ARID4B: variants seen among roughly 807,000 people sequenced by gnomAD.
ARID4B encodes the protein AT-rich interaction domain 4B.
Under a neutral mutation model 147.5 loss-of-function variants are expected in ARID4B, and 26 were observed. The ratio of observed to expected loss-of-function variants is 0.18; its 90% CI spans 0.13 to 0.24. The LOEUF (loss-of-function observed/expected upper bound fraction) is 0.24, where lower values mean the gene tolerates loss of function less well. ARID4B is among the 10% of genes least tolerant of loss of function. The pLI is 1.00. For synonymous variants in ARID4B, 512 were observed against 507.9 expected (o/e 1.01, Z -0.11); for missense variants, 1,179 against 1,511.5 (o/e 0.78, Z 3.65).
intron 7 of ARID4B, among the ~76,000 whole-genome samples, chr1:235,241,372 T>C (rs1159327191): frequency 6.6e-6 from 1 of 152,180 alleles, no homozygotes; most frequent in Non-Finnish European, 1.5e-5. Context: ...CAGATTAAAC[T>C]ACTAAAAAAC....
chr1:235,205,427 T>G (rs1167354625), intron 17 of ARID4B, among the ~76,000 whole-genome samples: 12 of 152,196 alleles, frequency 7.9e-5, no homozygotes, highest in Non-Finnish European at 4.4e-5. Context: ...GATGAGCTCT[T>G]TATGTAACCC....
At chr1:235,262,461 C>CA (rs1670353391) in intron 2 of ARID4B, among the ~76,000 whole-genome samples, 1 of 152,152 alleles carries the variant, frequency 6.6e-6, no homozygotes, top group Non-Finnish European at 1.5e-5. Flanking sequence ...CATTTCTGCA[C>CA]TAATACTTTC....
intron 2 of ARID4B, among the ~76,000 whole-genome samples, chr1:235,306,189 A>G (rs1178453265): frequency 6.6e-6 from 1 of 152,192 alleles, no homozygotes. Context: ...TACTTTAGCA[A>G]TAAAGACAAA....
intron 2 of ARID4B, among the ~76,000 whole-genome samples, chr1:235,297,567 T>C (rs1672829112): frequency 6.6e-6 from 1 of 152,194 alleles, no homozygotes; most frequent in Non-Finnish European, 1.5e-5. Context: ...AAAACCTTTG[T>C]GTGAAAGTTG....
intron 22 of ARID4B, among the ~76,000 whole-genome samples, chr1:235,174,189 G>A (rs1663682050): frequency 6.6e-6 from 1 of 151,914 alleles, no homozygotes; most frequent in African/African-American, 2.4e-5. Flanking sequence ...ACAAGCGCGT[G>A]CCACCACGCG....
intron 7 of ARID4B, among the ~76,000 whole-genome samples, chr1:235,242,754 C>T (rs940420067): frequency 3.9e-5 from 6 of 152,046 alleles, no homozygotes; most frequent in African/African-American, 1.4e-4. Flanking sequence ...AAAAACAAAA[C>T]ACCTTTGTTC....
intron 5 of ARID4B, among the ~76,000 whole-genome samples, chr1:235,255,211 G>C (rs936339746): frequency 1.0e-5 from 1 of 99,362 alleles, no homozygotes; most frequent in African/African-American, 3.8e-5. Context: ...TTTGTTTCCT[G>C]CTGGGAGCTA....
intron 2 of ARID4B, among the ~76,000 whole-genome samples, chr1:235,265,713 A>G (rs968452971): frequency 6.6e-6 from 1 of 151,394 alleles, no homozygotes; most frequent in South Asian, 2.1e-4. Flanking sequence ...AAAAGAAAAG[A>G]AAAAAAAGGG....
intron 2 of ARID4B, among the ~76,000 whole-genome samples, chr1:235,324,276 T>C (rs567319576): frequency 6.4e-4 from 97 of 152,262 alleles, no homozygotes; most frequent in African/African-American, 2.3e-3. Flanking sequence ...AACATCACGA[T>C]CTATGTTACA....
At chr1:235,215,547 A>ATGTG (rs370429662) in intron 16 of ARID4B, among the ~76,000 whole-genome samples, 5,668 of 136,380 alleles carry the variant, frequency 0.042, 177 homozygotes, top group African/African-American at 0.092. Flanking sequence ...ACACATATAT[A>ATGTG]TGTGTGTGTG....
intron 19 of ARID4B, among the ~76,000 whole-genome samples, chr1:235,189,292 C>T (rs1256575810): frequency 6.8e-6 from 1 of 147,484 alleles, no homozygotes; most frequent in African/African-American, 2.5e-5. Flanking sequence ...ACCAGCTACT[C>T]GGGAGGCTGA....
Position 235,228,086 on chromosome 1 carries a change from G to A in ARID4B, c.897+1145C>T, listed in dbSNP as rs140132061. Among the ~76,000 whole-genome samples the A allele has an allele frequency of 2.6e-3, 398 of 151,456 alleles. 3 individuals carry two copies. Among genetic ancestry groups the A allele is most frequent in the African/African-American group, 8.8e-3 (366 of 41,356 alleles). On this transcript the variant is annotated intron_variant, in intron 11 of 23. Coordinates refer to ENST00000264183, the MANE Select transcript of ARID4B (RefSeq NM_016374.6). ...CCTGATCTCATGATCTGCCCGCCTC[G>A]GCCTCACAGAGTGCTAGGATTAGTC...
intron 2 of ARID4B, among the ~76,000 whole-genome samples, chr1:235,300,479 A>T (rs1476203353): frequency 6.6e-6 from 1 of 151,988 alleles, no homozygotes. Flanking sequence ...TCTATGCTCT[A>T]TAACTTTCTC....
intron 9 of ARID4B, among the ~76,000 whole-genome samples, chr1:235,232,590 C>T (rs540011935): frequency 3.3e-5 from 5 of 151,220 alleles, no homozygotes; most frequent in South Asian, 2.1e-4. Context: ...AAAAATTTGC[C>T]GAGCGTGGTG....
chr1:235,195,299 A>G (rs1249437517), intron 18 of ARID4B, among the ~76,000 whole-genome samples: 1 of 152,134 alleles, frequency 6.6e-6, no homozygotes, highest in Non-Finnish European at 1.5e-5. Context: ...CGTGGTTAAT[A>G]GGATCCTGTG....
chr1:235,311,054 G>A (rs1008525389), intron 2 of ARID4B, among the ~76,000 whole-genome samples: 4 of 151,956 alleles, frequency 2.6e-5, no homozygotes, highest in Non-Finnish European at 5.9e-5. Context: ...TATAGCACAG[G>A]GATGCTCCCT....
At chr1:235,248,048 A>C (rs1019209999) in intron 6 of ARID4B, among the ~76,000 whole-genome samples, 6 of 152,060 alleles carry the variant, frequency 3.9e-5, no homozygotes, top group African/African-American at 1.4e-4. Context: ...GTATATACCA[A>C]ACAGAAACTA....
chr1:235,219,120 T>C (rs1450865503), intron 16 of ARID4B, among the ~76,000 whole-genome samples: 1 of 152,072 alleles, frequency 6.6e-6, no homozygotes, highest in Non-Finnish European at 1.5e-5. Flanking sequence ...CGCCCCGGTC[T>C]CCCAAAAGTG....
intron 17 of ARID4B, among the ~76,000 whole-genome samples, chr1:235,197,358 G>A (rs1375239706): frequency 6.6e-6 from 1 of 152,172 alleles, no homozygotes; most frequent in East Asian, 1.9e-4. Flanking sequence ...AAATCAAGAA[G>A]TAAATGACTT....
Sources: allele counts gnomAD v4.1 joint callset (sites outside exome capture counted in the v4.1 genomes callset), GRCh38; gene constraint gnomAD v4.1.1; transcripts MANE v1.5; gene names NCBI Gene and HGNC (gene_info 2026-07-23, HGNC 2026-07-21).